HSPG2: variants seen among roughly 807,000 people sequenced by gnomAD.
HSPG2 encodes basement membrane-specific heparan sulfate proteoglycan core protein.
In HSPG2, 278 loss-of-function variants were observed where a neutral mutation model predicts 526.6. The observed-to-expected ratio is 0.53, with a 90% CI of 0.48 to 0.58. The LOEUF is 0.58. HSPG2 is among the 20% of genes least tolerant of loss of function. The probability of loss-of-function intolerance (pLI) is 0.00; values close to 1 mark genes in which losing one functional copy is unlikely to be tolerated. For missense variants in HSPG2, 5,354 were observed against 6,099.5 expected (o/e 0.88, Z 4.07); for synonymous variants, 2,465 against 2,555.4 (o/e 0.96, Z 1.07).
chr1:21,823,179 T>A lies in HSPG2; in HGVS notation c.*137A>T, dbSNP rs2097956319. 1.1e-6 allele frequency: 1 copy of A among 873,166 alleles called. No homozygotes were observed. Among genetic ancestry groups the A allele is most frequent in the Admixed American group, 3.2e-5 (1 of 31,730 alleles). 54.1% of individuals were successfully genotyped at this position (873,166 alleles called of 1,614,324 possible). A position where few individuals can be genotyped will look rare whatever the true frequency, so the allele number is the denominator to read the frequency against. On this transcript the variant is annotated 3_prime_UTR_variant, in exon 97 of 97. Transcript: ENST00000374695. ...GTGAGGGTGGCATGCCCACCTCCAG[T>A]CCAGCCCAGGGCGGTAGCAGCAAAG...
chr1:21,841,088 G>A lies in HSPG2; in HGVS notation c.9513+13C>T, dbSNP rs376718771. 7.6e-6 allele frequency: 12 copies of A among 1,585,544 alleles called. No homozygotes were observed. Among genetic ancestry groups the A allele is most frequent in the Non-Finnish European group, 1.0e-5 (12 of 1,166,962 alleles). On this transcript the variant is annotated intron_variant, in intron 71 of 96. Coordinates refer to ENST00000374695, the MANE Select transcript of HSPG2 (RefSeq NM_005529.7). ...ACTGGGCCTCAGACCCAGAGAGGCAGCCCCGGCTTCACCTGCAGCACCGCG... is the reference window on the plus strand; with the variant it reads ...ACTGGGCCTCAGACCCAGAGAGGCAACCCCGGCTTCACCTGCAGCACCGCG...
chr1:21,859,552 G>T lies in HSPG2; in HGVS notation c.5293+14C>A. The T allele has an allele frequency of 6.4e-7, 1 of 1,560,182 alleles. No homozygotes were observed. The highest frequency in any genetic ancestry group is 8.7e-7 in the Non-Finnish European group (1 of 1,146,738). ...GGACAGGCAGTCTTGGTTACAGGGG[G>T]CGTAGGGACTCACCAGTGACCAGCA... On this transcript the variant is annotated intron_variant, in intron 42 of 96. Coordinates refer to ENST00000374695, the MANE Select transcript of HSPG2 (RefSeq NM_005529.7). This position sits in a 1 kb window ranked among gnomAD's most constrained non-coding sequence, Gnocchi z 5.3.
chr1:21,887,304 A>C lies in HSPG2; in HGVS notation c.989T>G (p.Phe330Cys). 1 of 1,613,974 alleles carries C rather than the reference A, an allele frequency of 6.2e-7. No homozygotes were observed. Among genetic ancestry groups the C allele is most frequent in the Non-Finnish European group, 8.5e-7 (1 of 1,179,950 alleles). The change falls in exon 9 of 97, where the codon TTC (phenylalanine) becomes TGC (cysteine). Residue 330 changes from phenylalanine (F) to cysteine (C), a missense_variant. Phe to Cys is a radical substitution (Grantham distance 205). Coordinates refer to ENST00000374695, the MANE Select transcript of HSPG2 (RefSeq NM_005529.7). This position sits in a 1 kb window ranked among gnomAD's most constrained non-coding sequence, Gnocchi z 5.0. Reference sequence around the variant, plus strand: ...GGCACAATGTCCATTCCCGCAGGGGAACTCGTTGGGCTCACAGGGTGGCGG... The same window carrying C: ...GGCACAATGTCCATTCCCGCAGGGGCACTCGTTGGGCTCACAGGGTGGCGG... Reference protein sequence around the residue: ...GPPPPCEPNEFPCGNGHCALK... With the variant: ...GPPPPCEPNECPCGNGHCALK...
At position 21,865,865 on chromosome 1, in the gene HSPG2, C is replaced by CT. The variant is rs1640188570; in HGVS notation, c.4222-57_4222-56insA. 1 of 1,352,204 alleles carries CT rather than the reference C, an allele frequency of 7.4e-7. No individual in the cohort carries two copies. 83.8% of individuals were successfully genotyped at this position (1,352,204 alleles called of 1,614,324 possible). A position where few individuals can be genotyped will look rare whatever the true frequency, so the allele number is the denominator to read the frequency against. On this transcript the variant is annotated intron_variant, in intron 33 of 96. Coordinates refer to ENST00000374695, the MANE Select transcript of HSPG2 (RefSeq NM_005529.7). This position sits in a 1 kb window ranked among gnomAD's most constrained non-coding sequence, Gnocchi z 5.4. ...CTGACCTTGGGGTGTGAGTGTTGGA[C>CT]CATATAGGTGAGGGATGGAGCATCT...
At chr1:21,827,340 T>C (rs777865178) in intron 91 of HSPG2, among the ~76,000 whole-genome samples, 3 of 152,208 alleles carry the variant, frequency 2.0e-5, no homozygotes, top group Non-Finnish European at 4.4e-5. Flanking sequence ...CCACAGCTAG[T>C]AAGTGGGAGA....
In HSPG2 at chr1:21,848,223, C is replaced by T. The variant is rs1638605738; in HGVS notation, c.7738-130G>A. ...TGCCTCCTCAGTGGCCTTCGTGAAGCTCCCAGCATGGCATGTGGCCTGTCT... is the reference window on the plus strand; with the variant it reads ...TGCCTCCTCAGTGGCCTTCGTGAAGTTCCCAGCATGGCATGTGGCCTGTCT... On this transcript the variant is annotated intron_variant, in intron 59 of 96. Transcript: ENST00000374695. The surrounding 1 kb of genome is among the most constrained non-coding windows in gnomAD (Gnocchi z 4.9). The T allele has an allele frequency of 1.8e-6, 2 of 1,081,224 alleles. No individual in the cohort carries two copies. Among genetic ancestry groups the T allele is most frequent in the Admixed American group, 4.0e-5 (2 of 50,162 alleles). The allele number at this position is 1,081,224 out of a possible 1,614,324, so 67.0% of individuals were successfully genotyped here.
chr1:21,906,867 C>T (rs1643407276), intron 1 of HSPG2, among the ~76,000 whole-genome samples: 1 of 152,112 alleles, frequency 6.6e-6, no homozygotes, highest in South Asian at 2.1e-4. Context: ...CCGCCTTTCC[C>T]TCAAGTTAGC....
chr1:21,930,876 G>A (rs1644330033), intron 1 of HSPG2, among the ~76,000 whole-genome samples: 2 of 152,102 alleles, frequency 1.3e-5, no homozygotes, highest in African/African-American at 4.8e-5. Context: ...TACATCATTT[G>A]TTCATTCATT....
chr1:21,843,173 C>T (rs2098056547), intron 66 of HSPG2, 124 bp downstream of exon 66: 3 of 1,420,900 alleles, frequency 2.1e-6, no homozygotes, highest in Non-Finnish European at 3.0e-6. Context: ...GCTTGATCCT[C>T]CGTGGTAGGA....
intron 29 of HSPG2, among the ~76,000 whole-genome samples, 172 bp downstream of exon 29, chr1:21,873,753 G>C (rs553283209): frequency 6.0e-4 from 91 of 152,298 alleles, no homozygotes; most frequent in African/African-American, 2.1e-3. Context: ...TGAATTCTGG[G>C]CTAGAGGTTG....
chr1:21,892,183 C>A (rs1038484916), intron 3 of HSPG2, among the ~76,000 whole-genome samples: 1 of 152,252 alleles, frequency 6.6e-6, no homozygotes, highest in African/African-American at 2.4e-5. Context: ...GCGCTGCCTG[C>A]CCTGAACCGC....
At chr1:21,916,259 T>G (rs1643886504) in intron 1 of HSPG2, among the ~76,000 whole-genome samples, 1 of 152,020 alleles carries the variant, frequency 6.6e-6, no homozygotes, top group Non-Finnish European at 1.5e-5. Flanking sequence ...CCCAGCACTT[T>G]GGGAGACCGA....
chr1:21,840,995 A>G, intron 71 of HSPG2, 106 bp downstream of exon 71: 4 of 986,590 alleles, frequency 4.1e-6, no homozygotes, highest in Non-Finnish European at 6.2e-6. Flanking sequence ...TCCTCTCTCC[A>G]TCCACTCATC....
rs938993099 is a variant in HSPG2, at chr1:21,848,422, G to A, written c.7737+221C>T. On this transcript the variant is annotated intron_variant, in intron 59 of 96. Transcript: ENST00000374695. The surrounding 1 kb of genome is among the most constrained non-coding windows in gnomAD (Gnocchi z 4.9). ...CAGTGTCAGGCACAGGACATGGCCC[G>A]GAGCAGCTTTTCAGTGAGATTTGGT... Among the ~76,000 whole-genome samples the A allele has an allele frequency of 8.5e-5, 13 of 152,152 alleles. No homozygotes were observed. The highest frequency in any genetic ancestry group is 1.2e-4 in the African/African-American group (5 of 41,438).
chr1:21,829,541 G>T lies in HSPG2; in HGVS notation c.11834C>A (p.Thr3945Asn). The change falls in exon 87 of 97, where the codon ACC (threonine) becomes AAC (asparagine). Residue 3945 changes from threonine to asparagine, a missense_variant. Transcript: ENST00000374695. ...CAGGCGTAGCTCGTGGTGTGTGTTGGTGAGGGCGGGCAGTGCCAGGTAGGA... is the reference window on the plus strand; with the variant it reads ...CAGGCGTAGCTCGTGGTGTGTGTTGTTGAGGGCGGGCAGTGCCAGGTAGGA... Reference protein sequence around the residue: ...AGSYLALPALTNTHHELRLDV... With the variant: ...AGSYLALPALNNTHHELRLDV... The T allele has an allele frequency of 6.2e-7, 1 of 1,612,870 alleles. No individual in the cohort carries two copies.
chr1:21,892,692 T>C (rs142090991), intron 3 of HSPG2, among the ~76,000 whole-genome samples: 1 of 151,592 alleles, frequency 6.6e-6, no homozygotes, highest in African/African-American at 2.4e-5. Flanking sequence ...CTGGCCAACA[T>C]GGTGAAAATA....
At chr1:21,885,514 G>C in intron 9 of HSPG2, 63 bp from the exon 10 acceptor site, 1 of 1,596,276 alleles carries the variant, frequency 6.3e-7, no homozygotes, top group Non-Finnish European at 8.6e-7. Flanking sequence ...GGCATCCCCA[G>C]GGCCACTCTC....
In HSPG2 at chr1:21,860,253, G is replaced by A. The variant is rs759433339; in HGVS notation, c.4956-18C>T. The A allele has an allele frequency of 1.2e-6, 2 of 1,610,580 alleles. No homozygotes were observed. The highest frequency in any genetic ancestry group is 1.7e-5 in the Admixed American group (1 of 59,746). ...GGCCACACCTGTAAGGGGGAACAAGGGCCGGCAATGTCAGGCCTCAAGGGC... is the reference window on the plus strand; with the variant it reads ...GGCCACACCTGTAAGGGGGAACAAGAGCCGGCAATGTCAGGCCTCAAGGGC... On this transcript the variant is annotated intron_variant, in intron 39 of 96. Coordinates refer to ENST00000374695, the MANE Select transcript of HSPG2 (RefSeq NM_005529.7).
At position 21,857,164 on chromosome 1, in the gene HSPG2, A is replaced by G; in HGVS notation, c.5426T>C (p.Leu1809Pro). The G allele has an allele frequency of 6.2e-7, 1 of 1,614,132 alleles. No homozygotes were observed. The change falls in exon 44 of 97, where the codon CTG becomes CCG. Residue 1809 changes from leucine to proline, a missense_variant. Physicochemically the swap from Leu to Pro is moderately conservative, Grantham distance 98. Transcript: ENST00000374695. ...TCGGGTGGGCAGTTTCCCGTTGTGC[A>G]GGCGGGTCCACACCAGGGTATAGGC... is the stretch of plus-strand genomic sequence containing the variant. ...SPAYTLVWTRLHNGKLPTRAM... is the reference protein window; with the variant it reads ...SPAYTLVWTRPHNGKLPTRAM...
Sources: allele counts gnomAD v4.1 joint callset (sites outside exome capture counted in the v4.1 genomes callset), GRCh38; gene constraint gnomAD v4.1.1; non-coding constraint Gnocchi (gnomAD v3.1); transcripts MANE v1.5; gene names NCBI Gene and HGNC (gene_info 2026-07-23, HGNC 2026-07-21).